Variants in QTMAN observed in about 807,000 individuals in gnomAD.
QTMAN encodes tRNA-queuosine alpha-mannosyltransferase.
At chr2:144,080,394 T>C in the QTMAN span, among the ~76,000 whole-genome samples, 1 of 152,152 alleles carries the variant, frequency 6.6e-6, no homozygotes, top group African/African-American at 2.4e-5. Flanking sequence ...ATCCATTAAT[T>C]CTGTCCTCTG....
chr2:144,016,220 A>AC, the QTMAN span, among the ~76,000 whole-genome samples: 2 of 152,094 alleles, frequency 1.3e-5, no homozygotes, highest in Non-Finnish European at 2.9e-5. Context: ...TGGTCTGTTA[A>AC]CCCCCCAAAT....
At chr2:144,131,226 T>C in the QTMAN span, among the ~76,000 whole-genome samples, 2 of 151,880 alleles carry the variant, frequency 1.3e-5, no homozygotes, top group South Asian at 2.1e-4. Flanking sequence ...ATATACAACG[T>C]TGAATTCACC....
chr2:144,163,833 T>C, the QTMAN span, among the ~76,000 whole-genome samples: 5 of 152,234 alleles, frequency 3.3e-5, no homozygotes, highest in African/African-American at 2.4e-5. Flanking sequence ...TACCATGGAC[T>C]ATGAAGGCAG....
chr2:144,145,011 G>A, the QTMAN span, among the ~76,000 whole-genome samples: 1 of 150,008 alleles, frequency 6.7e-6, no homozygotes, highest in Non-Finnish European at 1.5e-5. Flanking sequence ...AAATGTCATG[G>A]TATTTTAAGG....
the QTMAN span, among the ~76,000 whole-genome samples, chr2:143,963,480 GTT>G: frequency 1.4e-5 from 2 of 145,084 alleles, no homozygotes; most frequent in Non-Finnish European, 1.5e-5. Flanking sequence ...TTTCTGCCTA[GTT>G]TTTTTTTTTT....
At chr2:144,322,166 A>C in the QTMAN span, among the ~76,000 whole-genome samples, 2 of 152,178 alleles carry the variant, frequency 1.3e-5, no homozygotes, top group Admixed American at 6.5e-5. Flanking sequence ...CAAATGATTA[A>C]AACTTCAGAA....
the QTMAN span, chr2:144,128,432 A>G: frequency 1.3e-5 from 2 of 152,112 alleles, no homozygotes; most frequent in Non-Finnish European, 2.9e-5. Context: ...AGTGAAAAAT[A>G]GCCACAAGTT....
chr2:144,315,982 A>T, the QTMAN span, among the ~76,000 whole-genome samples: 549 of 152,286 alleles, frequency 3.6e-3, 1 homozygote, highest in African/African-American at 0.012. Flanking sequence ...TATCTCAAAA[A>T]ACATAACCAG....
the QTMAN span, among the ~76,000 whole-genome samples, chr2:144,182,848 ATATTTTATATAT>A: frequency 1.5e-5 from 1 of 64,562 alleles, no homozygotes; most frequent in Non-Finnish European, 2.7e-5. Context: ...TATTATATAT[ATATTTTATATAT>A]AATATATATA....
At chr2:144,002,619 T>C in the QTMAN span, among the ~76,000 whole-genome samples, 3 of 152,006 alleles carry the variant, frequency 2.0e-5, no homozygotes, top group African/African-American at 7.2e-5. Flanking sequence ...TAAAATTGTA[T>C]AATGAACTGT....
chr2:144,046,517 C>T, the QTMAN span, among the ~76,000 whole-genome samples: 3 of 152,156 alleles, frequency 2.0e-5, no homozygotes, highest in South Asian at 4.2e-4. Context: ...GAACTATGGG[C>T]GCATGCCACC....
chr2:144,295,333 T>C, the QTMAN span: 3 of 152,284 alleles, frequency 2.0e-5, no homozygotes, highest in African/African-American at 4.8e-5. Flanking sequence ...CTGCTAGAGA[T>C]AGAGAGCACA....
chr2:144,254,418 T>C, the QTMAN span, among the ~76,000 whole-genome samples: 3 of 151,944 alleles, frequency 2.0e-5, no homozygotes, highest in Non-Finnish European at 4.4e-5. Flanking sequence ...TGAGACTCTG[T>C]CTCTAAATAA....
the QTMAN span, among the ~76,000 whole-genome samples, chr2:143,962,325 T>G: frequency 6.6e-6 from 1 of 151,832 alleles, no homozygotes; most frequent in Non-Finnish European, 1.5e-5. Context: ...AGAAAGGAAT[T>G]TAAGCAACAA....
At chr2:144,305,970 T>C in the QTMAN span, among the ~76,000 whole-genome samples, 1 of 152,246 alleles carries the variant, frequency 6.6e-6, no homozygotes, top group Non-Finnish European at 1.5e-5. Flanking sequence ...GGATTTTCTA[T>C]ATAGAAGATC....
the QTMAN span, among the ~76,000 whole-genome samples, chr2:144,018,389 G>A: frequency 6.6e-6 from 1 of 151,582 alleles, no homozygotes; most frequent in Non-Finnish European, 1.5e-5. Context: ...AATTCAAATT[G>A]ATTATATTGC....
chr2:144,324,114 T>C, the QTMAN span, among the ~76,000 whole-genome samples: 3 of 152,206 alleles, frequency 2.0e-5, no homozygotes, highest in African/African-American at 7.2e-5. Flanking sequence ...CTGCCCAAGG[T>C]TACCGAAGTG....
the QTMAN span, among the ~76,000 whole-genome samples, chr2:144,322,653 T>C: frequency 2.0e-5 from 3 of 152,290 alleles, no homozygotes; most frequent in East Asian, 5.8e-4. Flanking sequence ...CATGTATTAA[T>C]AGCCCATTCA....
chr2:144,067,931 T>A, the QTMAN span, among the ~76,000 whole-genome samples: 2 of 152,220 alleles, frequency 1.3e-5, no homozygotes, highest in Non-Finnish European at 2.9e-5. Flanking sequence ...GATGACCTGT[T>A]ATTAAGTCAG....
Sources: gnomAD v4.1 joint callset for allele counts (sites outside exome capture counted in the v4.1 genomes callset) on GRCh38, gnomAD v4.1.1 for gene constraint, MANE v1.5 for transcripts, NCBI Gene and HGNC (gene_info 2026-07-23, HGNC 2026-07-21) for gene names.